Variants in LTBP1 observed in about 807,000 individuals in gnomAD.
The protein encoded by LTBP1 is latent-transforming growth factor beta-binding protein 1.
A neutral mutation model predicts 207.6 loss-of-function variants in LTBP1; 129 were observed. That is an observed-to-expected ratio of 0.62 (90% CI 0.54 to 0.72). LTBP1 has a LOEUF of 0.72. Among genes scored for constraint, LTBP1 ranks in the 30% least tolerant of loss-of-function variants. LTBP1 has a pLI of 0.00. For missense variants in LTBP1, 2,281 were observed against 2,217.2 expected (o/e 1.03, Z -0.58); for synonymous variants, 963 against 833.7 (o/e 1.16, Z -2.67).
Position 33,004,816 on chromosome 2 carries a change from A to ATATATATATATATATAT in LTBP1, c.566-16093_566-16092insTATATATATATATATAT, listed in dbSNP as rs1558501569. Among the ~76,000 whole-genome samples, 16 of 72,048 alleles carry ATATATATATATATATAT rather than the reference A, an allele frequency of 2.2e-4. 1 individual carries two copies. The highest frequency in any genetic ancestry group is 2.3e-3 in the East Asian group (2 of 862). 47.3% of individuals were successfully genotyped at this position (72,048 alleles called of 152,430 possible). ...ATATATATATATATATATATATATA[A>ATATATATATATATATAT]ACATAAAATTTGTAAAATAGTATTT... On this transcript the variant is annotated intron_variant, in intron 2 of 33. Coordinates refer to ENST00000404816, the MANE Select transcript of LTBP1 (RefSeq NM_206943.4).
At chr2:33,254,555 T>G (rs2092777576) in intron 11 of LTBP1, among the ~76,000 whole-genome samples, 1 of 148,828 alleles carries the variant, frequency 6.7e-6, no homozygotes, top group Non-Finnish European at 1.5e-5. Context: ...CTTGGTTTTT[T>G]TTTTTTTTTT....
At chr2:33,186,812 T>C in intron 5 of LTBP1, 44 bp from the exon 6 acceptor site, 1 of 1,499,792 alleles carries the variant, frequency 6.7e-7, no homozygotes, top group African/African-American at 1.4e-5. Flanking sequence ...ACTTAGCCTC[T>C]GAGAGACTAA....
At chr2:32,963,746 A>T (rs550708903) in intron 2 of LTBP1, among the ~76,000 whole-genome samples, 1 of 152,242 alleles carries the variant, frequency 6.6e-6, no homozygotes, top group East Asian at 1.9e-4. Context: ...TGGGATGCGT[A>T]ACAAATGCAG....
chr2:32,954,280 G>A (rs758399190), intron 2 of LTBP1, among the ~76,000 whole-genome samples: 10 of 152,224 alleles, frequency 6.6e-5, no homozygotes, highest in Non-Finnish European at 7.4e-5. Flanking sequence ...GAGTTTTCTC[G>A]GGCTTCTGTA....
intron 31 of LTBP1, among the ~76,000 whole-genome samples, chr2:33,386,367 G>T (rs1445626754): frequency 6.6e-6 from 1 of 152,140 alleles, no homozygotes; most frequent in Non-Finnish European, 1.5e-5. Flanking sequence ...TTTCTTTGGT[G>T]GAGGAAGCAT....
intron 5 of LTBP1, among the ~76,000 whole-genome samples, chr2:33,163,524 T>TA (rs2084644791): frequency 6.6e-6 from 1 of 152,134 alleles, no homozygotes; most frequent in Non-Finnish European, 1.5e-5. Context: ...GCTTAAAGGA[T>TA]AAAAACATGT....
chr2:33,328,385 T>A (rs1418505044), intron 24 of LTBP1, among the ~76,000 whole-genome samples: 1 of 152,152 alleles, frequency 6.6e-6, no homozygotes, highest in Admixed American at 6.5e-5. Context: ...TAGTCTGTTC[T>A]CTGCTAGAAC....
At chr2:33,224,092 T>TG (rs1186890183) in intron 9 of LTBP1, among the ~76,000 whole-genome samples, 1 of 152,208 alleles carries the variant, frequency 6.6e-6, no homozygotes, top group Non-Finnish European at 1.5e-5. Flanking sequence ...AATGTGCCTA[T>TG]GGGCCATCTA....
intron 2 of LTBP1, among the ~76,000 whole-genome samples, chr2:32,974,248 CT>C (rs1398163847): frequency 6.6e-6 from 1 of 152,164 alleles, no homozygotes; most frequent in Non-Finnish European, 1.5e-5. Flanking sequence ...TCTCTACATC[CT>C]TGTCAGCATT....
chr2:32,967,528 T>A (rs1680187494), intron 2 of LTBP1, among the ~76,000 whole-genome samples: 1 of 152,222 alleles, frequency 6.6e-6, no homozygotes, highest in Non-Finnish European at 1.5e-5. Flanking sequence ...TTAATTTTCA[T>A]TTAGGTCTAA....
intron 4 of LTBP1, among the ~76,000 whole-genome samples, chr2:33,126,730 T>C (rs2081458995): frequency 6.6e-6 from 1 of 152,106 alleles, no homozygotes; most frequent in Non-Finnish European, 1.5e-5. Context: ...TTCCTAATGA[T>C]GAGATCTATT....
At chr2:33,335,932 T>C (rs1227743167) in intron 24 of LTBP1, among the ~76,000 whole-genome samples, 1 of 152,164 alleles carries the variant, frequency 6.6e-6, no homozygotes, top group Non-Finnish European at 1.5e-5. Context: ...TTTCTTCTTA[T>C]GAAGAGTTCC....
Position 33,081,811 on chromosome 2 carries a change from T to C in LTBP1, c.864-28771T>C, listed in dbSNP as rs182204673. Among the ~76,000 whole-genome samples the C allele has an allele frequency of 1.6e-4, 24 of 152,214 alleles. No homozygotes were observed. In the East Asian group the frequency reaches 4.5e-3, roughly 28 times the overall value. On this transcript the variant is annotated intron_variant, in intron 3 of 33. Coordinates refer to ENST00000404816, the MANE Select transcript of LTBP1 (RefSeq NM_206943.4). ...GGTTACCCTCATGCTTTTCTTATGA[T>C]ACTGAGTTCTCACACCATCTGATGG...
intron 3 of LTBP1, among the ~76,000 whole-genome samples, chr2:33,105,625 G>A (rs1171180902): frequency 1.3e-5 from 2 of 152,088 alleles, no homozygotes; most frequent in African/African-American, 4.8e-5. Context: ...TAAAGATGGG[G>A]TTTTATCATG....
At chr2:33,133,395 G>A (rs1415762545) in intron 4 of LTBP1, among the ~76,000 whole-genome samples, 1 of 152,176 alleles carries the variant, frequency 6.6e-6, no homozygotes, top group Non-Finnish European at 1.5e-5. Flanking sequence ...GGCGTCAGAA[G>A]GGCACTGCTT....
intron 3 of LTBP1, among the ~76,000 whole-genome samples, chr2:33,058,253 A>G (rs895466762): frequency 2.0e-5 from 3 of 152,248 alleles, no homozygotes; most frequent in African/African-American, 7.2e-5. Context: ...GAATTATGTT[A>G]GCATTAAAAT....
intron 3 of LTBP1, among the ~76,000 whole-genome samples, chr2:33,077,007 C>G (rs750533935): frequency 6.6e-6 from 1 of 152,134 alleles, no homozygotes; most frequent in Non-Finnish European, 1.5e-5. Flanking sequence ...GTCTCTCCTC[C>G]TCTGCCAGTT....
chr2:33,013,603 T>G (rs530640368), intron 2 of LTBP1, among the ~76,000 whole-genome samples: 1 of 152,236 alleles, frequency 6.6e-6, no homozygotes, highest in Non-Finnish European at 1.5e-5. Context: ...AAAAAAGTTA[T>G]ACATGGCAGT....
intron 9 of LTBP1, among the ~76,000 whole-genome samples, chr2:33,241,700 G>C (rs1226312460): frequency 6.6e-6 from 1 of 152,186 alleles, no homozygotes; most frequent in African/African-American, 2.4e-5. Context: ...GGAAATAGAA[G>C]AGTGGAAATT....
Sources: gnomAD v4.1 joint callset for allele counts (sites outside exome capture counted in the v4.1 genomes callset) on GRCh38, gnomAD v4.1.1 for gene constraint, MANE v1.5 for transcripts, NCBI Gene and HGNC (gene_info 2026-07-23, HGNC 2026-07-21) for gene names.